Variants in DLGAP1 observed in about 807,000 individuals in gnomAD.
DLGAP1 encodes DLG associated protein 1.
Under a neutral mutation model 90.8 loss-of-function variants are expected in DLGAP1, and 11 were observed. The ratio of observed to expected loss-of-function variants is 0.12; its 90% CI spans 0.08 to 0.20. The LOEUF (loss-of-function observed/expected upper bound fraction) is 0.20. DLGAP1 is among the 10% of genes least tolerant of loss of function. The probability of loss-of-function intolerance (pLI) is 1.00; values close to 1 mark genes in which losing one functional copy is unlikely to be tolerated. For missense variants in DLGAP1, 1,050 were observed against 1,333.8 expected, an observed-to-expected ratio of 0.79 and a Z score of 3.31; for synonymous variants, 558 against 540.7, an observed-to-expected ratio of 1.03 and a Z score of -0.44.
intron 7 of DLGAP1, among the ~76,000 whole-genome samples, chr18:3,587,485 G>T (rs2145485397): frequency 6.6e-6 from 1 of 152,252 alleles, no homozygotes; most frequent in East Asian, 1.9e-4. Context: ...GCACCAATCG[G>T]CACTCTGTAA....
At position 3,526,679 on chromosome 18, in the gene DLGAP1, T is replaced by C. The variant is rs1016378451; in HGVS notation, c.2479+7515A>G. ...TCACCGGTATTTCATCTTAGGGCCA[T>C]TGAAACCTGAGCCTATGTTCTTTCC... On this transcript the variant is annotated intron_variant, in intron 10 of 12. Coordinates refer to ENST00000315677, the MANE Select transcript of DLGAP1 (RefSeq NM_004746.4). The surrounding 1 kb of genome is among the most constrained non-coding windows in gnomAD (Gnocchi z 4.7). Among the ~76,000 whole-genome samples, 1 of 152,254 alleles carries C rather than the reference T, an allele frequency of 6.6e-6. No homozygotes were observed. Among genetic ancestry groups the C allele is most frequent in the Non-Finnish European group, 1.5e-5 (1 of 68,038 alleles).
At chr18:3,959,098 C>G (rs1238053049) in intron 3 of DLGAP1, among the ~76,000 whole-genome samples, 1 of 152,132 alleles carries the variant, frequency 6.6e-6, no homozygotes, top group Non-Finnish European at 1.5e-5. Context: ...TATTCTCATT[C>G]AATGAACACA....
At chr18:4,055,009 G>A (rs1187400384) in intron 2 of DLGAP1, among the ~76,000 whole-genome samples, 2 of 152,160 alleles carry the variant, frequency 1.3e-5, no homozygotes, top group Non-Finnish European at 2.9e-5. Flanking sequence ...TGCTTTGGGA[G>A]CAGAAAGTTG....
At chr18:4,340,151 T>C (rs1029322027) in intron 1 of DLGAP1, among the ~76,000 whole-genome samples, 19 of 152,180 alleles carry the variant, frequency 1.2e-4, no homozygotes, top group African/African-American at 4.1e-4. Flanking sequence ...CAACAATAAC[T>C]AATAATTATT....
chr18:3,584,203 C>T (rs1205985583), intron 7 of DLGAP1, among the ~76,000 whole-genome samples: 1 of 152,144 alleles, frequency 6.6e-6, no homozygotes, highest in Non-Finnish European at 1.5e-5. Context: ...AGCACAATTC[C>T]TTAAGCAGCT....
chr18:4,054,517 A>G (rs1029409798), intron 2 of DLGAP1, among the ~76,000 whole-genome samples: 1 of 152,212 alleles, frequency 6.6e-6, no homozygotes, highest in Non-Finnish European at 1.5e-5. Context: ...GTACACATAG[A>G]CAGACAACAG....
intron 9 of DLGAP1, among the ~76,000 whole-genome samples, chr18:3,539,474 G>C (rs570730493): frequency 1.5e-4 from 23 of 152,332 alleles, no homozygotes; most frequent in African/African-American, 5.1e-4. Context: ...GGATCAACCA[G>C]TATGGAACAC....
At chr18:3,887,830 C>G (rs756687444) in intron 3 of DLGAP1, among the ~76,000 whole-genome samples, 2 of 151,816 alleles carry the variant, frequency 1.3e-5, no homozygotes, top group Non-Finnish European at 2.9e-5. Context: ...AGAAAACGGC[C>G]GGGGGCAGTG....
chr18:3,669,032 T>C (rs983827026), intron 7 of DLGAP1, among the ~76,000 whole-genome samples: 1 of 151,842 alleles, frequency 6.6e-6, no homozygotes, highest in Non-Finnish European at 1.5e-5. Flanking sequence ...ATCTACATAA[T>C]ATTTGACATG....
intron 5 of DLGAP1, among the ~76,000 whole-genome samples, chr18:3,784,532 A>G (rs774618084): frequency 1.1e-4 from 16 of 151,948 alleles, no homozygotes; most frequent in Non-Finnish European, 2.9e-5. Context: ...TGCTGAAGAC[A>G]TTTTCTCCCA....
chr18:3,988,466 T>G (rs1170363943), intron 3 of DLGAP1, among the ~76,000 whole-genome samples: 1 of 152,132 alleles, frequency 6.6e-6, no homozygotes, highest in Non-Finnish European at 1.5e-5. Flanking sequence ...CACTCCCCAG[T>G]GATTGCATCA....
At chr18:4,251,896 C>A (rs1249236719) in intron 1 of DLGAP1, among the ~76,000 whole-genome samples, 3 of 152,198 alleles carry the variant, frequency 2.0e-5, no homozygotes, top group Non-Finnish European at 4.4e-5. Flanking sequence ...CCTTCCCAAG[C>A]CCTAACATTT....
chr18:4,360,639 A>C (rs1411987934), intron 1 of DLGAP1, among the ~76,000 whole-genome samples: 2 of 152,174 alleles, frequency 1.3e-5, no homozygotes, highest in Admixed American at 1.3e-4. Flanking sequence ...TGCTGTAGGG[A>C]GTGAAAAGGA....
At chr18:3,708,012 T>TG (rs2061490007) in intron 7 of DLGAP1, among the ~76,000 whole-genome samples, 1 of 147,990 alleles carries the variant, frequency 6.8e-6, no homozygotes, top group African/African-American at 2.5e-5. Flanking sequence ...TGTAATTCCT[T>TG]TTTTTTTTTT....
intron 2 of DLGAP1, among the ~76,000 whole-genome samples, chr18:4,120,821 T>A (rs1432827897): frequency 2.6e-5 from 4 of 151,164 alleles, no homozygotes; most frequent in African/African-American, 7.4e-5. Flanking sequence ...TTCTTTTTCT[T>A]TCTTTTATTA....
At chr18:4,421,103 C>G (rs145866206) in intron 1 of DLGAP1, among the ~76,000 whole-genome samples, 29 of 152,278 alleles carry the variant, frequency 1.9e-4, no homozygotes, top group African/African-American at 7.0e-4. Flanking sequence ...CTTAAAATAA[C>G]AGAAAGTTAT....
At chr18:4,346,117 G>T (rs2143916101) in intron 1 of DLGAP1, among the ~76,000 whole-genome samples, 1 of 152,278 alleles carries the variant, frequency 6.6e-6, no homozygotes, top group Non-Finnish European at 1.5e-5. Context: ...GATTACTTTT[G>T]CAATGTTACT....
intron 2 of DLGAP1, among the ~76,000 whole-genome samples, chr18:4,130,111 A>G (rs1419209338): frequency 6.6e-6 from 1 of 152,194 alleles, no homozygotes; most frequent in Non-Finnish European, 1.5e-5. Flanking sequence ...ACATCATTAC[A>G]TGTTTTATTA....
chr18:4,256,031 C>T (rs2078881264), intron 1 of DLGAP1, among the ~76,000 whole-genome samples: 1 of 152,142 alleles, frequency 6.6e-6, no homozygotes, highest in South Asian at 2.1e-4. Flanking sequence ...CAACTCAAGG[C>T]AGCTAATAAG....
Sources: allele counts gnomAD v4.1 joint callset (sites outside exome capture counted in the v4.1 genomes callset), GRCh38; gene constraint gnomAD v4.1.1; non-coding constraint Gnocchi (gnomAD v3.1); transcripts MANE v1.5; gene names NCBI Gene and HGNC (gene_info 2026-07-23, HGNC 2026-07-21).